Variants in PLPPR1 observed in about 807,000 individuals in gnomAD.
PLPPR1 encodes phospholipid phosphatase related 1.
In PLPPR1, 10 loss-of-function variants were observed where a neutral mutation model predicts 33.1. The ratio of observed to expected loss-of-function variants is 0.30; its 90% CI spans 0.19 to 0.51. The LOEUF is 0.51. PLPPR1 is among the 20% of genes least tolerant of loss of function. PLPPR1 has a pLI of 0.97. For missense variants in PLPPR1, 304 were observed against 408.1 expected (o/e 0.74, Z 2.20); for synonymous variants, 151 against 151.0 (o/e 1.00, Z 0.00).
chr9:101,139,826 A>G (rs1448938784), intron 1 of PLPPR1, among the ~76,000 whole-genome samples: 4 of 152,182 alleles, frequency 2.6e-5, no homozygotes, highest in South Asian at 2.1e-4. Context: ...CCACACATGC[A>G]CAGTCTCCCT....
chr9:101,184,836 C>A (rs1448033708), intron 1 of PLPPR1, among the ~76,000 whole-genome samples: 1 of 151,864 alleles, frequency 6.6e-6, no homozygotes, highest in Admixed American at 6.6e-5. Flanking sequence ...ATGTGTTATG[C>A]CTTTACTGTT....
chr9:101,169,686 C>T (rs867084389), intron 1 of PLPPR1, among the ~76,000 whole-genome samples: 7 of 151,858 alleles, frequency 4.6e-5, no homozygotes, highest in African/African-American at 1.7e-4. Context: ...CTTTTTGTTA[C>T]ATGTTATCAA....
intron 1 of PLPPR1, among the ~76,000 whole-genome samples, chr9:101,085,682 G>A (rs1421301447): frequency 6.6e-6 from 1 of 152,174 alleles, no homozygotes; most frequent in African/African-American, 2.4e-5. Context: ...TTAGAAAATG[G>A]ATCCCGTTAT....
intron 4 of PLPPR1, among the ~76,000 whole-genome samples, chr9:101,300,705 A>G (rs1828736246): frequency 6.6e-6 from 1 of 152,172 alleles, no homozygotes; most frequent in Non-Finnish European, 1.5e-5. Flanking sequence ...CCAGGCCTCA[A>G]TATTCCTATA....
intron 1 of PLPPR1, among the ~76,000 whole-genome samples, chr9:101,046,741 G>C (rs1249603310): frequency 6.6e-6 from 1 of 152,006 alleles, no homozygotes; most frequent in Non-Finnish European, 1.5e-5. Flanking sequence ...CTGCACCCGG[G>C]CTACCTCTTT....
At chr9:101,158,848 CT>C (rs111363966) in intron 1 of PLPPR1, among the ~76,000 whole-genome samples, 13,004 of 152,212 alleles carry the variant, frequency 0.085, 1,775 homozygotes, top group African/African-American at 0.29. Context: ...GCCAGATCAA[CT>C]GAAGCAGTAA....
At chr9:101,048,498 T>C (rs2118437715) in intron 1 of PLPPR1, among the ~76,000 whole-genome samples, 1 of 152,312 alleles carries the variant, frequency 6.6e-6, no homozygotes. Flanking sequence ...CAGAGAAGAA[T>C]ACACCACTTT....
intron 1 of PLPPR1, among the ~76,000 whole-genome samples, chr9:101,083,558 C>T (rs906480903): frequency 3.9e-5 from 6 of 152,018 alleles, no homozygotes; most frequent in African/African-American, 7.2e-5. Context: ...CAGGGACTAA[C>T]AAAAATCAAT....
chr9:101,076,010 G>C lies in PLPPR1; in HGVS notation c.-46+46908G>C, dbSNP rs374662862. Among the ~76,000 whole-genome samples, 16 of 152,256 alleles carry C rather than the reference G, an allele frequency of 1.1e-4. No individual in the cohort carries two copies. The East Asian group carries it at 2.3e-3, about 22-fold the overall frequency. ...GGCCAGTGACACAGAAGGGGCACGC[G>C]GGAGAGTGTCAGATGAAGCTGGAGA... On this transcript the variant is annotated intron_variant, in intron 1 of 7. Transcript: ENST00000374874.
At chr9:101,039,035 C>T (rs780602082) in intron 1 of PLPPR1, among the ~76,000 whole-genome samples, 1 of 152,088 alleles carries the variant, frequency 6.6e-6, no homozygotes, top group Non-Finnish European at 1.5e-5. Flanking sequence ...GAATGAATTC[C>T]AAGATAAATG....
chr9:101,039,853 A>G (rs1356569833), intron 1 of PLPPR1, among the ~76,000 whole-genome samples: 1 of 151,880 alleles, frequency 6.6e-6, no homozygotes, highest in Non-Finnish European at 1.5e-5. Flanking sequence ...CCCATGACAC[A>G]TGGGAATTGT....
intron 2 of PLPPR1, among the ~76,000 whole-genome samples, chr9:101,249,490 CA>C (rs1827677333): frequency 6.6e-6 from 1 of 152,062 alleles, no homozygotes; most frequent in African/African-American, 2.4e-5. Context: ...ATTATTGGCA[CA>C]TCTGTCATAA....
At chr9:101,239,420 A>C (rs1305322410) in intron 2 of PLPPR1, among the ~76,000 whole-genome samples, 2 of 151,902 alleles carry the variant, frequency 1.3e-5, no homozygotes, top group Admixed American at 1.3e-4. Flanking sequence ...TCTGCCTAGT[A>C]ATGGGTGATG....
intron 3 of PLPPR1, among the ~76,000 whole-genome samples, chr9:101,284,305 A>T (rs1283720622): frequency 6.6e-6 from 1 of 152,184 alleles, no homozygotes; most frequent in Non-Finnish European, 1.5e-5. Context: ...TGGTGACAAG[A>T]TGGATAAACC....
chr9:101,316,298 G>C (rs1215416181), intron 6 of PLPPR1, among the ~76,000 whole-genome samples: 1 of 152,032 alleles, frequency 6.6e-6, no homozygotes, highest in African/African-American at 2.4e-5. Context: ...GTAGCCAGGC[G>C]TGCTGGTGGG....
chr9:101,182,501 CTA>C (rs758819612), intron 1 of PLPPR1, among the ~76,000 whole-genome samples: 2 of 151,588 alleles, frequency 1.3e-5, no homozygotes, highest in Non-Finnish European at 3.0e-5. Flanking sequence ...ATATATATAA[CTA>C]TTATTTGTCA....
intron 2 of PLPPR1, among the ~76,000 whole-genome samples, chr9:101,250,830 T>C (rs1157456125): frequency 6.6e-6 from 1 of 152,084 alleles, no homozygotes; most frequent in Non-Finnish European, 1.5e-5. Context: ...GGGACTAAAC[T>C]GTGGCAAGAG....
At chr9:101,069,796 G>T (rs187785049) in intron 1 of PLPPR1, among the ~76,000 whole-genome samples, 3 of 152,228 alleles carry the variant, frequency 2.0e-5, no homozygotes, top group Admixed American at 2.0e-4. Flanking sequence ...AGACTGCCAG[G>T]CTTCACCTCA....
intron 2 of PLPPR1, among the ~76,000 whole-genome samples, chr9:101,199,840 GT>G (rs890528321): frequency 6.6e-6 from 1 of 152,146 alleles, no homozygotes; most frequent in Non-Finnish European, 1.5e-5. Context: ...TGGAGTTCTT[GT>G]TAAAATTCTG....
Sources: allele counts gnomAD v4.1 joint callset (sites outside exome capture counted in the v4.1 genomes callset), GRCh38; gene constraint gnomAD v4.1.1; transcripts MANE v1.5; gene names NCBI Gene and HGNC (gene_info 2026-07-23, HGNC 2026-07-21).